Variants in LPAR3 observed in about 807,000 individuals in gnomAD.
The protein encoded by LPAR3 is LPA receptor 3.
A neutral mutation model predicts 17.8 loss-of-function variants in LPAR3; 7 were observed. The ratio of observed to expected loss-of-function variants is 0.39; its 90% CI spans 0.22 to 0.74. LPAR3 has a LOEUF of 0.74. Among genes scored for constraint, LPAR3 ranks in the 30% least tolerant of loss-of-function variants. LPAR3 has a pLI of 0.40. For synonymous variants in LPAR3, 179 were observed against 179.9 expected, an observed-to-expected ratio of 0.99 and a Z score of 0.04; for missense variants, 391 against 453.4, an observed-to-expected ratio of 0.86 and a Z score of 1.25.
chr1:84,857,994 C>G (rs1427947438), intron 2 of LPAR3, among the ~76,000 whole-genome samples: 1 of 152,104 alleles, frequency 6.6e-6, no homozygotes, highest in Non-Finnish European at 1.5e-5. Context: ...TAAGTCCACT[C>G]GAATCTCCTT....
chr1:84,823,643 C>T (rs1251765403), intron 2 of LPAR3, among the ~76,000 whole-genome samples: 1 of 152,198 alleles, frequency 6.6e-6, no homozygotes, highest in African/African-American at 2.4e-5. Context: ...GGCATACCAG[C>T]TAGAACCACT....
In LPAR3 at chr1:84,811,637, C is replaced by T. The variant is rs1013295212; in HGVS notation, c.*2209G>A. Reference sequence around the variant, plus strand: ...TAAAATTTTATTTTATAGGTAGCTTCGATAAAAGCTTCAGATAGACCCACA... The same window carrying T: ...TAAAATTTTATTTTATAGGTAGCTTTGATAAAAGCTTCAGATAGACCCACA... On this transcript the variant is annotated 3_prime_UTR_variant, in exon 3 of 3. Coordinates refer to ENST00000370611, the MANE Select transcript of LPAR3 (RefSeq NM_012152.3). 1 of 152,082 alleles carries T rather than the reference C, an allele frequency of 6.6e-6. No individual in the cohort carries two copies. Among genetic ancestry groups the T allele is most frequent in the Non-Finnish European group, 1.5e-5 (1 of 68,020 alleles). The allele number at this position is 152,082 out of a possible 1,614,324, so 9.4% of individuals were successfully genotyped here.
chr1:84,862,476 CT>C (rs1157613235), intron 2 of LPAR3, among the ~76,000 whole-genome samples: 1 of 152,232 alleles, frequency 6.6e-6, no homozygotes, highest in Admixed American at 6.5e-5. Flanking sequence ...GTTTCTCCAT[CT>C]GGTAAATGGG....
intron 2 of LPAR3, among the ~76,000 whole-genome samples, chr1:84,817,985 C>A (rs1658974881): frequency 6.6e-6 from 1 of 152,184 alleles, no homozygotes. Flanking sequence ...CAGCCTAGCA[C>A]AAAGTCAGGA....
At chr1:84,870,296 T>C (rs547504226) in intron 1 of LPAR3, among the ~76,000 whole-genome samples, 6 of 152,346 alleles carry the variant, frequency 3.9e-5, no homozygotes, top group Admixed American at 3.9e-4. Flanking sequence ...TGACCCAGTA[T>C]TTTCTTTTGT....
intron 1 of LPAR3, among the ~76,000 whole-genome samples, chr1:84,878,179 T>G (rs763104810): frequency 6.6e-6 from 1 of 152,226 alleles, no homozygotes; most frequent in African/African-American, 2.4e-5. Flanking sequence ...CATAAATTTT[T>G]TTTAAAGTAT....
At chr1:84,831,214 T>C (rs887488993) in intron 2 of LPAR3, among the ~76,000 whole-genome samples, 5 of 151,686 alleles carry the variant, frequency 3.3e-5, no homozygotes, top group African/African-American at 4.8e-5. Flanking sequence ...GGAGTAGAAC[T>C]GGTCTGTCTT....
chr1:84,855,472 C>G (rs1659798708), intron 2 of LPAR3, among the ~76,000 whole-genome samples: 1 of 152,174 alleles, frequency 6.6e-6, no homozygotes, highest in Non-Finnish European at 1.5e-5. Context: ...TGGAACCTCT[C>G]CCTATACCTT....
intron 2 of LPAR3, among the ~76,000 whole-genome samples, chr1:84,860,321 C>G (rs1659914825): frequency 1.3e-5 from 2 of 152,204 alleles, no homozygotes; most frequent in South Asian, 2.1e-4. Context: ...GGTCTACTCT[C>G]CTTCCAAAGA....
intron 2 of LPAR3, among the ~76,000 whole-genome samples, chr1:84,836,015 T>TC (rs200447072): frequency 0.015 from 2,046 of 134,694 alleles, 74 homozygotes; most frequent in African/African-American, 0.058. Context: ...CCTTTTTTTT[T>TC]TTTTTTTTTT....
At chr1:84,814,654 C>T (rs61768761) in intron 2 of LPAR3, among the ~76,000 whole-genome samples, 1 of 152,314 alleles carries the variant, frequency 6.6e-6, no homozygotes, top group South Asian at 2.1e-4. Flanking sequence ...TAAATGTGCT[C>T]TTGAAAATAA....
chr1:84,837,716 AG>A (rs1190370429), intron 2 of LPAR3, among the ~76,000 whole-genome samples: 1 of 152,250 alleles, frequency 6.6e-6, no homozygotes, highest in Non-Finnish European at 1.5e-5. Context: ...ACAGAAGGGC[AG>A]TAAGGCTAGA....
At chr1:84,862,860 C>G (rs963281731) in intron 2 of LPAR3, among the ~76,000 whole-genome samples, 8 of 152,202 alleles carry the variant, frequency 5.3e-5, no homozygotes, top group Non-Finnish European at 1.2e-4. Flanking sequence ...TGAGAAACGG[C>G]CTCTCTGCCT....
At chr1:84,827,759 T>C (rs1042406362) in intron 2 of LPAR3, among the ~76,000 whole-genome samples, 4 of 152,170 alleles carry the variant, frequency 2.6e-5, no homozygotes, top group Non-Finnish European at 4.4e-5. Flanking sequence ...AATGACATCA[T>C]GAATAAAGCA....
At chr1:84,868,753 G>T (rs1660102782) in intron 1 of LPAR3, among the ~76,000 whole-genome samples, 1 of 152,098 alleles carries the variant, frequency 6.6e-6, no homozygotes. Context: ...GCCCCCTTCT[G>T]GAAGCAGAGA....
intron 2 of LPAR3, among the ~76,000 whole-genome samples, chr1:84,864,809 T>A (rs1660008088): frequency 6.6e-6 from 1 of 151,418 alleles, no homozygotes; most frequent in Admixed American, 6.6e-5. Flanking sequence ...GAAAAAAAAA[T>A]GAAAAGCTGA....
In LPAR3 at chr1:84,865,901, C is replaced by T. The variant is rs1660037273; in HGVS notation, c.220G>A (p.Ala74Thr). Reference protein sequence around the residue: ...PFYYLLANLAAADFFAGIAYV... With the variant: ...PFYYLLANLATADFFAGIAYV... ...GCAATTCCAGCGAAGAAATCGGCAG[C>T]AGCTAAATTAGCCAACAGGTAGTAG... The change falls in exon 2 of 3, where the codon GCT becomes ACT. Residue 74 changes from alanine to threonine, a missense_variant. Coordinates refer to ENST00000370611, the MANE Select transcript of LPAR3 (RefSeq NM_012152.3). The T allele has an allele frequency of 6.2e-7, 1 of 1,614,108 alleles. No individual in the cohort carries two copies. Among genetic ancestry groups the T allele is most frequent in the African/African-American group, 1.3e-5 (1 of 75,002 alleles).
chr1:84,831,016 A>G (rs185347315), intron 2 of LPAR3, among the ~76,000 whole-genome samples: 94 of 152,296 alleles, frequency 6.2e-4, no homozygotes, highest in African/African-American at 2.2e-3. Context: ...AGGAAAGCCT[A>G]TTTCACCTAT....
intron 2 of LPAR3, among the ~76,000 whole-genome samples, chr1:84,831,996 T>C (rs2102750108): frequency 6.6e-6 from 1 of 152,168 alleles, no homozygotes; most frequent in African/African-American, 2.4e-5. Context: ...AAACTCCCAT[T>C]AGAGAAATGT....
Sources: gnomAD v4.1 joint callset for allele counts (sites outside exome capture counted in the v4.1 genomes callset) on GRCh38, gnomAD v4.1.1 for gene constraint, MANE v1.5 for transcripts, NCBI Gene and HGNC (gene_info 2026-07-23, HGNC 2026-07-21) for gene names.